OXR1: variants seen among roughly 807,000 people sequenced by gnomAD.
OXR1 encodes the protein oxidation resistance 1.
In OXR1, 41 loss-of-function variants were observed where a neutral mutation model predicts 104.6. The ratio of observed to expected loss-of-function variants is 0.39; its 90% CI spans 0.31 to 0.51. OXR1 has a LOEUF of 0.51. Ranked by LOEUF, OXR1 falls within the 20% of genes least tolerant of loss-of-function variation. The pLI is 0.77. For missense variants in OXR1, 955 were observed against 1,031.9 expected (o/e 0.93, Z 1.02); for synonymous variants, 348 against 348.4 (o/e 1.00, Z 0.01).
At chr8:106,521,250 A>C (rs942394316) in intron 3 of OXR1, among the ~76,000 whole-genome samples, 1 of 152,104 alleles carries the variant, frequency 6.6e-6, no homozygotes, top group African/African-American at 2.4e-5. Flanking sequence ...AAACAATAAA[A>C]ATTTTCATTT....
intron 3 of OXR1, among the ~76,000 whole-genome samples, chr8:106,628,697 T>C (rs1822390706): frequency 6.6e-6 from 1 of 152,180 alleles, no homozygotes; most frequent in Admixed American, 6.6e-5. Flanking sequence ...TCCCATCCCC[T>C]CTCTGCTATC....
chr8:106,332,095 A>G (rs977529840), intron 1 of OXR1, among the ~76,000 whole-genome samples: 3 of 151,412 alleles, frequency 2.0e-5, no homozygotes, highest in African/African-American at 7.3e-5. Context: ...TTTTCATAAA[A>G]TAAGTGATAA....
At chr8:106,466,057 TG>T (rs1221414517) in intron 2 of OXR1, among the ~76,000 whole-genome samples, 2 of 152,000 alleles carry the variant, frequency 1.3e-5, no homozygotes, top group African/African-American at 4.8e-5. Context: ...TTCTATACCT[TG>T]TATAAACTTC....
In OXR1 at chr8:106,468,431, C is replaced by T. The variant is rs75571723; in HGVS notation, c.24-50512C>T. On this transcript the variant is annotated intron_variant, in intron 2 of 16. Transcript: ENST00000517566. ...ATCCACACACACACACAAAAAACAA[C>T]AACACTTCAGGATGAGTAAGTATTC... 1.4e-3 allele frequency among the ~76,000 whole-genome samples: 217 copies of T among 151,806 alleles called. 3 individuals carry two copies. In the East Asian group the frequency reaches 0.04, roughly 28 times the overall value.
intron 2 of OXR1, chr8:106,448,171 T>C: frequency 1.7e-6 from 2 of 1,185,042 alleles, no homozygotes; most frequent in Non-Finnish European, 2.4e-6. Flanking sequence ...ATCTTTGTGT[T>C]TATGGGACCA....
chr8:106,506,196 G>A (rs900819287), intron 2 of OXR1, among the ~76,000 whole-genome samples: 2 of 152,202 alleles, frequency 1.3e-5, no homozygotes, highest in Non-Finnish European at 2.9e-5. Context: ...TCAGGGTCAA[G>A]TTTAGAAATC....
At chr8:106,436,271 C>G (rs1413107410) in intron 2 of OXR1, among the ~76,000 whole-genome samples, 1 of 151,986 alleles carries the variant, frequency 6.6e-6, no homozygotes, top group Non-Finnish European at 1.5e-5. Context: ...TATTATTATT[C>G]TCAGTCTACA....
At chr8:106,441,887 T>G (rs2130590227) in intron 2 of OXR1, among the ~76,000 whole-genome samples, 1 of 152,304 alleles carries the variant, frequency 6.6e-6, no homozygotes, top group Admixed American at 6.5e-5. Flanking sequence ...CTTCCTCTCT[T>G]CCTATTTGAA....
At chr8:106,474,924 A>C (rs555421652) in intron 2 of OXR1, among the ~76,000 whole-genome samples, 2 of 152,042 alleles carry the variant, frequency 1.3e-5, no homozygotes, top group South Asian at 4.1e-4. Flanking sequence ...TGGAACCCAA[A>C]CTGTCTGAGT....
intron 1 of OXR1, among the ~76,000 whole-genome samples, chr8:106,285,241 C>T (rs759333889): frequency 1.3e-5 from 2 of 152,100 alleles, no homozygotes; most frequent in African/African-American, 2.4e-5. Flanking sequence ...TCAGCTAATC[C>T]TCTGAATTAA....
intron 3 of OXR1, among the ~76,000 whole-genome samples, chr8:106,539,471 G>A (rs1468897724): frequency 6.6e-6 from 1 of 152,082 alleles, no homozygotes. Flanking sequence ...TTACTCCTTA[G>A]TAAATTATGA....
chr8:106,375,726 G>A (rs1816882292), intron 2 of OXR1, among the ~76,000 whole-genome samples: 1 of 152,178 alleles, frequency 6.6e-6, no homozygotes, highest in Admixed American at 6.5e-5. Flanking sequence ...CTAGGCCTTG[G>A]AACAGAGAGT....
At position 106,657,181 on chromosome 8, in the gene OXR1, C is replaced by T. The variant is rs9643025; in HGVS notation, c.221-22029C>T. Among the ~76,000 whole-genome samples, 17 of 152,234 alleles carry T rather than the reference C, an allele frequency of 1.1e-4. No homozygotes were observed. In the East Asian group the frequency reaches 3.3e-3, roughly 29 times the overall value. ...CAAACTAAATCCCTCAATAACGTTG[C>T]CTAAACAGGACTGGGATCATAGAAT... On this transcript the variant is annotated intron_variant, in intron 3 of 16. Transcript: ENST00000517566.
intron 2 of OXR1, among the ~76,000 whole-genome samples, chr8:106,509,614 A>C (rs1034998378): frequency 3.9e-5 from 6 of 152,202 alleles, no homozygotes; most frequent in Non-Finnish European, 7.3e-5. Flanking sequence ...GGCACTATAG[A>C]AAATTTTTGC....
chr8:106,447,623 A>G (rs1586652634), intron 2 of OXR1, among the ~76,000 whole-genome samples: 1 of 152,220 alleles, frequency 6.6e-6, no homozygotes, highest in East Asian at 1.9e-4. Flanking sequence ...AGCAATGTCA[A>G]TATCAATATA....
intron 2 of OXR1, among the ~76,000 whole-genome samples, chr8:106,364,160 A>G (rs1816368282): frequency 6.6e-6 from 1 of 152,264 alleles, no homozygotes. Context: ...GACTAAATTT[A>G]GAAATGGTGA....
chr8:106,485,850 C>G (rs988583422), intron 2 of OXR1, among the ~76,000 whole-genome samples: 19 of 151,574 alleles, frequency 1.3e-4, no homozygotes, highest in African/African-American at 4.6e-4. Flanking sequence ...GTGAAATAAG[C>G]CAGGCACAAA....
chr8:106,303,785 A>T (rs1425469334), intron 1 of OXR1, among the ~76,000 whole-genome samples: 2 of 152,214 alleles, frequency 1.3e-5, no homozygotes, highest in Non-Finnish European at 2.9e-5. Context: ...CCCTTCAGGT[A>T]AGTATATTTG....
chr8:106,323,595 A>G (rs1458840196), intron 1 of OXR1, among the ~76,000 whole-genome samples: 1 of 152,178 alleles, frequency 6.6e-6, no homozygotes, highest in African/African-American at 2.4e-5. Flanking sequence ...GGGAGAGAAT[A>G]TTTGCAAACT....
Sources: gnomAD v4.1 joint callset for allele counts (sites outside exome capture counted in the v4.1 genomes callset) on GRCh38, gnomAD v4.1.1 for gene constraint, MANE v1.5 for transcripts, NCBI Gene and HGNC (gene_info 2026-07-23, HGNC 2026-07-21) for gene names.